The following PPP3CA variants were observed in gnomAD, a reference collection of about 807,000 sequenced individuals.
PPP3CA encodes protein phosphatase 3 catalytic subunit alpha, also known as CAM-PRP catalytic subunit.
PPP3CA carries 14 observed loss-of-function variants against 66.5 expected under a neutral mutation model. The ratio of observed to expected loss-of-function variants is 0.21; its 90% confidence interval spans 0.14 to 0.33. PPP3CA has a LOEUF of 0.33. Ranked by LOEUF, PPP3CA falls within the 10% of genes least tolerant of loss-of-function variation. The pLI is 1.00. For missense variants in PPP3CA, 317 were observed against 639.5 expected (o/e 0.50, Z 5.44); for synonymous variants, 232 against 226.2 (o/e 1.03, Z -0.23).
chr4:101,227,713 C>G (rs1396706520), intron 1 of PPP3CA, among the ~76,000 whole-genome samples: 1 of 151,764 alleles, frequency 6.6e-6, no homozygotes, highest in Admixed American at 6.6e-5. Context: ...AATCCTCACC[C>G]TCCTCCCCAC....
At chr4:101,193,192 T>C (rs2659513) in intron 2 of PPP3CA, among the ~76,000 whole-genome samples, 37,238 of 152,116 alleles carry the variant, frequency 0.24, 7,167 homozygotes, top group African/African-American at 0.52. Context: ...CCAGGTCTTA[T>C]TCACATGTAT....
intron 2 of PPP3CA, among the ~76,000 whole-genome samples, chr4:101,165,431 T>C (rs868771638): frequency 1.4e-5 from 2 of 148,084 alleles, no homozygotes; most frequent in Non-Finnish European, 3.0e-5. Context: ...TTAAGACAGA[T>C]TCAGACAGAC....
At chr4:101,285,237 A>T (rs1727801099) in intron 1 of PPP3CA, among the ~76,000 whole-genome samples, 1 of 152,098 alleles carries the variant, frequency 6.6e-6, no homozygotes, top group Non-Finnish European at 1.5e-5. Context: ...GACATAAAGG[A>T]TTATGTTTAA....
chr4:101,035,116 A>C (rs1445687148), intron 11 of PPP3CA, among the ~76,000 whole-genome samples: 1 of 152,108 alleles, frequency 6.6e-6, no homozygotes, highest in Admixed American at 6.6e-5. Context: ...AAAATATATA[A>C]AAATTAGCCG....
intron 1 of PPP3CA, among the ~76,000 whole-genome samples, chr4:101,229,804 G>C (rs926018909): frequency 6.6e-6 from 1 of 151,540 alleles, no homozygotes; most frequent in Non-Finnish European, 1.5e-5. Flanking sequence ...TAGAAAAGGA[G>C]GAAATCAAAA....
At chr4:101,278,136 A>AAAAAAT (rs1553937788) in intron 1 of PPP3CA, among the ~76,000 whole-genome samples, 3,305 of 145,814 alleles carry the variant, frequency 0.023, 152 homozygotes, top group African/African-American at 0.084. Context: ...AAAAAAAAAA[A>AAAAAAT]AAATAAAAAA....
chr4:101,289,758 T>C (rs1389281006), intron 1 of PPP3CA, among the ~76,000 whole-genome samples: 1 of 152,202 alleles, frequency 6.6e-6, no homozygotes, highest in Admixed American at 6.6e-5. Flanking sequence ...AATTTCTCCC[T>C]ACCCTCAAAT....
intron 2 of PPP3CA, among the ~76,000 whole-genome samples, chr4:101,192,752 C>T (rs1724648693): frequency 6.6e-6 from 1 of 152,144 alleles, no homozygotes; most frequent in Admixed American, 6.5e-5. Context: ...TTGCTGAGTT[C>T]TCACACCAGT....
intron 1 of PPP3CA, among the ~76,000 whole-genome samples, chr4:101,260,576 T>A (rs1417855247): frequency 6.6e-6 from 1 of 152,134 alleles, no homozygotes; most frequent in African/African-American, 2.4e-5. Flanking sequence ...CATCAAAAAA[T>A]GCAAACTCTG....
intron 2 of PPP3CA, among the ~76,000 whole-genome samples, chr4:101,119,288 T>C (rs749515538): frequency 6.6e-6 from 1 of 151,936 alleles, no homozygotes; most frequent in African/African-American, 2.4e-5. Context: ...TTTCTAAGAG[T>C]GGTAATATCT....
At chr4:101,085,862 AGAGAGAGAGAGAAAGAGC>A (rs1729648853) in intron 6 of PPP3CA, among the ~76,000 whole-genome samples, 1 of 151,332 alleles carries the variant, frequency 6.6e-6, no homozygotes. Flanking sequence ...ACACACAGAG[AGAGAGAGAGAGAAAGAGC>A]GAGAGAGAGA....
intron 7 of PPP3CA, among the ~76,000 whole-genome samples, chr4:101,082,009 TA>T (rs1216424789): frequency 1.3e-5 from 2 of 152,214 alleles, no homozygotes; most frequent in East Asian, 3.8e-4. Flanking sequence ...TAAACAAAAA[TA>T]CTTGATATTA....
At chr4:101,085,815 G>A (rs1008215866) in intron 6 of PPP3CA, among the ~76,000 whole-genome samples, 1 of 150,736 alleles carries the variant, frequency 6.6e-6, no homozygotes, top group Non-Finnish European at 1.5e-5. Flanking sequence ...AAATGTTCAA[G>A]CTGAAAAGCA....
rs1343658225 is a variant in PPP3CA, at chr4:101,036,419, T to TTC, written c.1242-4056_1242-4055insGA. Among the ~76,000 whole-genome samples, 3 of 13,100 alleles carry TTC rather than the reference T, an allele frequency of 2.3e-4. No individual in the cohort carries two copies. The African/African-American group carries it at 4.5e-3, about 19-fold the overall frequency. The allele number at this position is 13,100 out of a possible 152,430, so 8.6% of individuals were successfully genotyped here. A position where few individuals can be genotyped will look rare whatever the true frequency, so the allele number is the denominator to read the frequency against. On this transcript the variant is annotated intron_variant, in intron 11 of 13. Transcript: ENST00000394854. ...TCTACATTTCTTTTTCTTTCTTTCT[T>TTC]TTTTTTTTTTGAGATGGAGTCTTGC...
intron 6 of PPP3CA, among the ~76,000 whole-genome samples, chr4:101,085,368 A>C (rs892045970): frequency 2.2e-4 from 33 of 152,180 alleles, no homozygotes; most frequent in Admixed American, 1.8e-3. Context: ...AACTTACACT[A>C]TTCTTAAGAA....
chr4:101,237,684 G>T (rs898076782), intron 1 of PPP3CA, among the ~76,000 whole-genome samples: 1 of 151,896 alleles, frequency 6.6e-6, no homozygotes, highest in Admixed American at 6.6e-5. Flanking sequence ...CTTCTTGAAC[G>T]AACAGAGCAT....
intron 1 of PPP3CA, among the ~76,000 whole-genome samples, chr4:101,233,441 A>G (rs767676534): frequency 6.6e-6 from 1 of 151,950 alleles, no homozygotes; most frequent in Admixed American, 6.6e-5. Context: ...TTTTAAAGAG[A>G]GAATAAATGC....
intron 2 of PPP3CA, among the ~76,000 whole-genome samples, chr4:101,187,921 C>T (rs1055928959): frequency 1.3e-5 from 2 of 152,068 alleles, no homozygotes; most frequent in Non-Finnish European, 2.9e-5. Flanking sequence ...AAGGGAAACA[C>T]AAACGATCCT....
chr4:101,247,911 A>AC, intron 1 of PPP3CA, among the ~76,000 whole-genome samples: 1 of 152,196 alleles, frequency 6.6e-6, no homozygotes, highest in East Asian at 1.9e-4. Context: ...ACACACACAC[A>AC]CTTTTTAAAA....
Sources: allele counts gnomAD v4.1 joint callset (sites outside exome capture counted in the v4.1 genomes callset), GRCh38; gene constraint gnomAD v4.1.1; transcripts MANE v1.5; gene names NCBI Gene and HGNC (gene_info 2026-07-23, HGNC 2026-07-21).